Variants in PIK3C2G observed in about 807,000 individuals in gnomAD.
PIK3C2G encodes the protein phosphatidylinositol 3-kinase C2 domain-containing subunit gamma.
A neutral mutation model predicts 181.1 loss-of-function variants in PIK3C2G; 168 were observed. The observed-to-expected ratio is 0.93, with a 90% CI of 0.82 to 1.05. The LOEUF (loss-of-function observed/expected upper bound fraction) is 1.05. PIK3C2G is among the 50% of genes least tolerant of loss of function. PIK3C2G has a pLI of 0.00. For missense variants in PIK3C2G, 1,869 were observed against 1,732.8 expected (o/e 1.08, Z -1.40); for synonymous variants, 573 against 592.2 (o/e 0.97, Z 0.47).
At chr12:18,619,417 A>G (rs1948745739) in intron 31 of PIK3C2G, among the ~76,000 whole-genome samples, 1 of 152,130 alleles carries the variant, frequency 6.6e-6, no homozygotes, top group Non-Finnish European at 1.5e-5. Context: ...AAAAAAAGCT[A>G]AAGATTTTAA....
At chr12:18,453,027 A>G (rs1947448355) in intron 18 of PIK3C2G, among the ~76,000 whole-genome samples, 1 of 152,204 alleles carries the variant, frequency 6.6e-6, no homozygotes, top group Non-Finnish European at 1.5e-5. Flanking sequence ...GGTGCTGAGA[A>G]GAATGTACAT....
the PIK3C2G span, among the ~76,000 whole-genome samples, chr12:18,724,337 A>T: frequency 1.3e-5 from 2 of 152,144 alleles, no homozygotes; most frequent in African/African-American, 4.8e-5. Flanking sequence ...AATGAGAGAG[A>T]TAACTCAAGA....
chr12:18,267,007 G>A (rs1162245729), intron 1 of PIK3C2G, among the ~76,000 whole-genome samples: 3 of 151,712 alleles, frequency 2.0e-5, no homozygotes, highest in Admixed American at 2.0e-4. Context: ...TTCAATGTTG[G>A]TTGTTTCTAC....
At chr12:18,508,875 A>G (rs1454026908) in intron 24 of PIK3C2G, among the ~76,000 whole-genome samples, 1 of 152,114 alleles carries the variant, frequency 6.6e-6, no homozygotes, top group African/African-American at 2.4e-5. Flanking sequence ...AAACAACAAT[A>G]ACCCTAGGTC....
At chr12:18,316,436 C>A (rs1950865444) in intron 6 of PIK3C2G, among the ~76,000 whole-genome samples, 1 of 151,984 alleles carries the variant, frequency 6.6e-6, no homozygotes, top group Admixed American at 6.6e-5. Context: ...TCAGAAATGC[C>A]AGTTTTTTAA....
At chr12:18,619,179 T>C (rs1948734760) in intron 31 of PIK3C2G, among the ~76,000 whole-genome samples, 1 of 151,498 alleles carries the variant, frequency 6.6e-6, no homozygotes. Flanking sequence ...AAACAACATA[T>C]GGTATATGGA....
At chr12:18,405,513 C>T (rs1944479615) in intron 16 of PIK3C2G, among the ~76,000 whole-genome samples, 1 of 150,852 alleles carries the variant, frequency 6.6e-6, no homozygotes, top group Admixed American at 6.6e-5. Flanking sequence ...TCCGCCTCCC[C>T]GGGAGAACAG....
intron 24 of PIK3C2G, among the ~76,000 whole-genome samples, chr12:18,508,988 A>G (rs1942032358): frequency 6.6e-6 from 1 of 152,166 alleles, no homozygotes; most frequent in Non-Finnish European, 1.5e-5. Context: ...ATGGAAGGGA[A>G]AAGCATTTGT....
At chr12:18,486,487 T>C (rs1190867252) in intron 18 of PIK3C2G, among the ~76,000 whole-genome samples, 1 of 152,066 alleles carries the variant, frequency 6.6e-6, no homozygotes, top group Non-Finnish European at 1.5e-5. Flanking sequence ...ACAAATTAAC[T>C]GAACAATTCT....
At chr12:18,249,697 G>C (rs1948076194) in intron 1 of PIK3C2G, among the ~76,000 whole-genome samples, 1 of 151,920 alleles carries the variant, frequency 6.6e-6, no homozygotes, top group African/African-American at 2.4e-5. Context: ...AATATTATTT[G>C]AACAGTATAT....
intron 4 of PIK3C2G, among the ~76,000 whole-genome samples, chr12:18,293,631 A>G (rs1949807022): frequency 2.6e-5 from 4 of 152,170 alleles, no homozygotes; most frequent in African/African-American, 7.2e-5. Flanking sequence ...GCAGTGTACC[A>G]AGGGCTTTAA....
At chr12:18,677,301 A>G in the PIK3C2G span, among the ~76,000 whole-genome samples, 6 of 152,150 alleles carry the variant, frequency 3.9e-5, no homozygotes, top group African/African-American at 1.4e-4. Flanking sequence ...GTTTCTAGAA[A>G]GCTAAGCCAG....
intron 2 of PIK3C2G, among the ~76,000 whole-genome samples, chr12:18,284,103 C>T (rs754890973): frequency 2.0e-5 from 3 of 152,010 alleles, no homozygotes; most frequent in Admixed American, 6.6e-5. Flanking sequence ...AGAGGACTTA[C>T]GGCTTGGCCA....
At chr12:18,635,758 CTCT>C (rs1465837767) in intron 31 of PIK3C2G, among the ~76,000 whole-genome samples, 1 of 152,190 alleles carries the variant, frequency 6.6e-6, no homozygotes, top group Non-Finnish European at 1.5e-5. Context: ...GCAGAACCTT[CTCT>C]TCTTCTGAGC....
Position 18,488,575 on chromosome 12 carries a change from A to C in PIK3C2G, c.2631A>C (p.Lys877Asn). ...TTTCCAAGGAGCAGAAACTTATCAA[A>C]ATTCTGGGAGATATTGGGGAAAGAG... ...DEFSKEQKLIKILGDIGERVK... is the reference protein window; with the variant it reads ...DEFSKEQKLINILGDIGERVK... Residue 877 changes from lysine (K) to asparagine (N), a missense_variant, in exon 19 of 33, where the codon AAA (lysine) becomes AAC (asparagine). Physicochemically the swap from Lys to Asn is moderately conservative, Grantham distance 94. Transcript: ENST00000538779. 2 of 1,576,516 alleles carry C rather than the reference A, an allele frequency of 1.3e-6. No individual in the cohort carries two copies. Among genetic ancestry groups the C allele is most frequent in the Admixed American group, 1.8e-5 (1 of 55,900 alleles).
At chr12:18,630,639 A>T (rs1387195114) in intron 31 of PIK3C2G, among the ~76,000 whole-genome samples, 1 of 152,112 alleles carries the variant, frequency 6.6e-6, no homozygotes, top group Admixed American at 6.6e-5. Context: ...TTTGTACCTC[A>T]TGAGGAAGAT....
chr12:18,698,128 ACT>A, the PIK3C2G span, among the ~76,000 whole-genome samples: 2 of 151,574 alleles, frequency 1.3e-5, no homozygotes, highest in Non-Finnish European at 2.9e-5. Flanking sequence ...TGTCATTCAA[ACT>A]CTCTTAACCA....
chr12:18,689,468 T>C, the PIK3C2G span, among the ~76,000 whole-genome samples: 3 of 152,298 alleles, frequency 2.0e-5, no homozygotes, highest in Admixed American at 6.5e-5. Flanking sequence ...TCATCAGCTA[T>C]CGTTAGTGTT....
intron 11 of PIK3C2G, among the ~76,000 whole-genome samples, chr12:18,350,424 CTG>C (rs2137693558): frequency 6.6e-6 from 1 of 152,118 alleles, no homozygotes; most frequent in South Asian, 2.1e-4. Flanking sequence ...TAAAGTATAT[CTG>C]TGCAAAAAAT....
Sources: gnomAD v4.1 joint callset for allele counts (sites outside exome capture counted in the v4.1 genomes callset) on GRCh38, gnomAD v4.1.1 for gene constraint, MANE v1.5 for transcripts, NCBI Gene and HGNC (gene_info 2026-07-23, HGNC 2026-07-21) for gene names.